The following SVOP variants were observed in gnomAD, a reference collection of about 807,000 sequenced individuals.
SVOP encodes the protein SV2 related protein, also known as synaptic vesicle 2-related protein.
A neutral mutation model predicts 69.1 loss-of-function variants in SVOP; 17 were observed. That is an observed-to-expected ratio of 0.25 (90% CI 0.17 to 0.37). The LOEUF is 0.37. Ranked by LOEUF, SVOP falls within the 10% of genes least tolerant of loss-of-function variation. The pLI is 1.00. For synonymous variants in SVOP, 238 were observed against 238.6 expected, an observed-to-expected ratio of 1.00 and a Z score of 0.02; for missense variants, 435 against 597.5, an observed-to-expected ratio of 0.73 and a Z score of 2.84.
chr12:108,998,812 C>T (rs1196040844), intron 1 of SVOP, among the ~76,000 whole-genome samples: 2 of 150,994 alleles, frequency 1.3e-5, no homozygotes, highest in African/African-American at 2.4e-5. Context: ...CTGAAGGAAG[C>T]GCTAAACATG....
intron 15 of SVOP, among the ~76,000 whole-genome samples, chr12:108,915,190 A>G (rs867532677): frequency 1.4e-5 from 2 of 142,896 alleles, no homozygotes; most frequent in Non-Finnish European, 3.1e-5. Context: ...AAAAAAAAAA[A>G]TCAACTTTTA....
intron 5 of SVOP, among the ~76,000 whole-genome samples, chr12:108,967,174 C>T (rs138560783): frequency 0.014 from 2,199 of 152,266 alleles, 57 homozygotes; most frequent in African/African-American, 0.05. Context: ...CATTATTTCA[C>T]TTGTCCAAAT....
At chr12:108,921,370 A>G (rs1566047474) in intron 12 of SVOP, among the ~76,000 whole-genome samples, 1 of 152,324 alleles carries the variant, frequency 6.6e-6, no homozygotes, top group Middle Eastern at 3.4e-3. Context: ...GGGTTTTCCC[A>G]GAAGCAAACC....
intron 6 of SVOP, among the ~76,000 whole-genome samples, chr12:108,954,159 T>C (rs1490139101): frequency 7.0e-6 from 1 of 143,402 alleles, no homozygotes; most frequent in Non-Finnish European, 1.5e-5. Context: ...GTAGTTCAGA[T>C]AATAGGTTTG....
intron 13 of SVOP, 30 bp downstream of exon 13, chr12:108,919,645 A>G: frequency 6.4e-7 from 1 of 1,555,886 alleles, no homozygotes; most frequent in Non-Finnish European, 8.7e-7. Context: ...CCTGTGCTCA[A>G]ACTCATACCT....
intron 2 of SVOP, 55 bp downstream of exon 2, chr12:108,983,546 G>A (rs1003321117): frequency 1.5e-5 from 6 of 398,564 alleles, no homozygotes; most frequent in Middle Eastern, 6.2e-4. Flanking sequence ...TGCCTGCTGG[G>A]TAGGCAACCT....
At chr12:108,921,387 C>T (rs2039747195) in intron 12 of SVOP, among the ~76,000 whole-genome samples, 1 of 152,070 alleles carries the variant, frequency 6.6e-6, no homozygotes, top group South Asian at 2.1e-4. Context: ...AACCCTGAGA[C>T]AAGGATGCAA....
At chr12:108,977,985 C>T (rs2040116325) in intron 3 of SVOP, among the ~76,000 whole-genome samples, 3 of 152,022 alleles carry the variant, frequency 2.0e-5, no homozygotes, top group South Asian at 2.1e-4. Context: ...TGTACCTTTA[C>T]GAGACTAGAC....
intron 1 of SVOP, among the ~76,000 whole-genome samples, chr12:109,016,930 G>A (rs2040370838): frequency 6.6e-6 from 1 of 151,876 alleles, no homozygotes; most frequent in Non-Finnish European, 1.5e-5. Context: ...AATTTTTTTA[G>A]TAGTAACAGG....
At chr12:108,942,374 G>A (rs1256981295) in intron 7 of SVOP, among the ~76,000 whole-genome samples, 1 of 152,110 alleles carries the variant, frequency 6.6e-6, no homozygotes, top group Non-Finnish European at 1.5e-5. Flanking sequence ...TGGTGCCCCA[G>A]AATTCCTCAT....
chr12:108,939,912 C>G (rs1190405806), intron 8 of SVOP, among the ~76,000 whole-genome samples: 2 of 152,224 alleles, frequency 1.3e-5, no homozygotes, highest in Non-Finnish European at 2.9e-5. Context: ...ATGTAGAAGA[C>G]TTCAAAGCCC....
chr12:108,971,441 A>G (rs1162410776), intron 5 of SVOP, among the ~76,000 whole-genome samples: 3 of 152,092 alleles, frequency 2.0e-5, no homozygotes, highest in East Asian at 1.9e-4. Flanking sequence ...AAAAAAAAAA[A>G]AAAAAAAATG....
chr12:108,932,362 C>T (rs2039826130), intron 11 of SVOP, among the ~76,000 whole-genome samples: 1 of 152,162 alleles, frequency 6.6e-6, no homozygotes, highest in Middle Eastern at 3.4e-3. Flanking sequence ...TACTATTAGG[C>T]CCAGGAGATC....
intron 11 of SVOP, among the ~76,000 whole-genome samples, chr12:108,928,366 A>G (rs79375331): frequency 1.3e-5 from 2 of 152,082 alleles, no homozygotes; most frequent in East Asian, 1.9e-4. Context: ...TTTTGATCCA[A>G]TTCCTCACCC....
chr12:108,924,628 GA>G (rs1239883939), intron 11 of SVOP, among the ~76,000 whole-genome samples: 1 of 152,136 alleles, frequency 6.6e-6, no homozygotes, highest in Admixed American at 6.5e-5. Flanking sequence ...GGAAATAAAG[GA>G]AAATCTTGAG....
At chr12:109,019,897 A>T (rs1423320164) in intron 1 of SVOP, among the ~76,000 whole-genome samples, 1 of 152,238 alleles carries the variant, frequency 6.6e-6, no homozygotes, top group Non-Finnish European at 1.5e-5. Context: ...CACCATTTTT[A>T]AAATCAAGAA....
At chr12:108,950,518 G>A (rs1177756233) in intron 6 of SVOP, among the ~76,000 whole-genome samples, 1 of 152,118 alleles carries the variant, frequency 6.6e-6, no homozygotes, top group Admixed American at 6.6e-5. Context: ...GAGTAGCTGG[G>A]ACTACAGGTG....
At chr12:108,976,284 G>C (rs919468646) in intron 4 of SVOP, among the ~76,000 whole-genome samples, 1 of 152,080 alleles carries the variant, frequency 6.6e-6, no homozygotes, top group African/African-American at 2.4e-5. Flanking sequence ...ACTGGGCCAT[G>C]CTGTGTGGAA....
At chr12:109,001,849 A>G (rs2135621905) in intron 1 of SVOP, among the ~76,000 whole-genome samples, 1 of 151,962 alleles carries the variant, frequency 6.6e-6, no homozygotes, top group South Asian at 2.1e-4. Flanking sequence ...CTAAAACCAT[A>G]AAAACCCTAG....
Sources: allele counts gnomAD v4.1 joint callset (sites outside exome capture counted in the v4.1 genomes callset), GRCh38; gene constraint gnomAD v4.1.1; transcripts MANE v1.5; gene names NCBI Gene and HGNC (gene_info 2026-07-23, HGNC 2026-07-21).